The following CYP2R1 variants were observed in gnomAD, a reference collection of about 807,000 sequenced individuals.
CYP2R1 encodes the protein vitamin D 25-hydroxylase.
CYP2R1 carries 40 observed loss-of-function variants against 45.7 expected under a neutral mutation model. The observed-to-expected ratio is 0.87, with a 90% confidence interval of 0.68 to 1.14. The LOEUF (loss-of-function observed/expected upper bound fraction) is 1.14. Ranked by LOEUF, CYP2R1 falls within the 50% of genes most tolerant of loss-of-function variation. The pLI is 0.00. For missense variants in CYP2R1, 605 were observed against 602.6 expected, an observed-to-expected ratio of 1.00 and a Z score of -0.04; for synonymous variants, 234 against 219.3, an observed-to-expected ratio of 1.07 and a Z score of -0.59.
intron 2 of CYP2R1, among the ~76,000 whole-genome samples, chr11:14,881,744 C>T (rs1848394960): frequency 6.6e-6 from 1 of 152,108 alleles, no homozygotes; most frequent in South Asian, 2.1e-4. Context: ...TGCTGGCTTT[C>T]CTCAATGCCT....
In CYP2R1 at chr11:14,892,018, T is replaced by C. The variant is rs903347739; in HGVS notation, c.188A>G (p.His63Arg). 8 of 1,613,438 alleles carry C rather than the reference T, an allele frequency of 5.0e-6. No homozygotes were observed. The highest frequency in any genetic ancestry group is 6.8e-6 in the Non-Finnish European group (8 of 1,179,792). The change falls in exon 1 of 5, where the codon CAT (histidine) becomes CGT (arginine). Residue 63 changes from histidine (H) to arginine (R), a missense_variant. Physicochemically the swap from His to Arg is conservative, Grantham distance 29. Coordinates refer to ENST00000334636, the MANE Select transcript of CYP2R1 (RefSeq NM_024514.5). ...YSLAASSELP[H>R]VYMRKQSQVY... ...CTGGCTCTGCTTTCTCATGTAGACATGGGGAAGCTCGGATGAGGCTGCCAG... is the reference window on the plus strand; with the variant it reads ...CTGGCTCTGCTTTCTCATGTAGACACGGGGAAGCTCGGATGAGGCTGCCAG...
Position 14,879,146 on chromosome 11 carries a change from G to A in CYP2R1, c.1298C>T (p.Ala433Val). ...ERFLDSSGYFAKKEALVPFSL... is the reference protein window; with the variant it reads ...ERFLDSSGYFVKKEALVPFSL... ...AAAAGGAACCAAAGCTTCCTTCTTG[G>A]CAAAATATCCACTGCTGTCCAGAAA... The change falls in exon 4 of 5, where the codon GCC becomes GTC. Residue 433 changes from alanine to valine, a missense_variant. Physicochemically the swap from Ala to Val is moderately conservative, Grantham distance 64. Transcript: ENST00000334636. The A allele has an allele frequency of 1.9e-6, 3 of 1,613,076 alleles. No individual in the cohort carries two copies. The highest frequency in any genetic ancestry group is 2.5e-6 in the Non-Finnish European group (3 of 1,179,432).
At chr11:14,885,167 T>A (rs1848567139) in intron 2 of CYP2R1, among the ~76,000 whole-genome samples, 1 of 152,216 alleles carries the variant, frequency 6.6e-6, no homozygotes, top group Admixed American at 6.5e-5. Context: ...TCTTATACTA[T>A]TAACTATTAA....
intron 1 of CYP2R1, chr11:14,890,442 T>TA (rs1848791539): frequency 1.0e-6 from 1 of 981,602 alleles, no homozygotes; most frequent in Non-Finnish European, 1.2e-6. Context: ...CTTTATTATC[T>TA]CGTCCAGCTT....
At chr11:14,884,790 C>T (rs1481309759) in intron 2 of CYP2R1, among the ~76,000 whole-genome samples, 2 of 151,942 alleles carry the variant, frequency 1.3e-5, no homozygotes, top group Non-Finnish European at 2.9e-5. Context: ...ACAGTCTAAA[C>T]AATAAATTTA....
chr11:14,886,254 G>C (rs1555014649), intron 1 of CYP2R1: 2 of 229,306 alleles, frequency 8.7e-6, no homozygotes, highest in African/African-American at 4.5e-5. Flanking sequence ...CTGGGCTTCA[G>C]TATTGCCATA....
chr11:14,880,189 GT>G lies in CYP2R1; in HGVS notation c.946del (p.Thr316ProfsTer27). The G allele has an allele frequency of 6.2e-7, 1 of 1,612,960 alleles. No individual in the cohort carries two copies. Among genetic ancestry groups the G allele is most frequent in the Non-Finnish European group, 8.5e-7 (1 of 1,179,346 alleles). ...AAGAATCGCCCACCGTAGCACATTG[GT>G]TGTAGTTTCAGTTCCAGCAATGATG... ...ELIIAGTETT[T>X]NVLRWAILFM... On this transcript the variant is annotated frameshift_variant, in exon 3 of 5. Transcript: ENST00000334636. LOFTEE classifies it high-confidence loss of function.
intron 1 of CYP2R1, 150 bp downstream of exon 1, chr11:14,891,831 C>A: frequency 4.9e-6 from 7 of 1,422,026 alleles, no homozygotes; most frequent in East Asian, 2.6e-5. Flanking sequence ...CTTCCAGACC[C>A]GGGAAGCGGG....
chr11:14,878,153 T>C lies in CYP2R1; in HGVS notation c.1475A>G (p.Gln492Arg), dbSNP rs1848225465. ...KPRLGMTLQP[Q>R]PYLICAERR ...TCTTTCAGCACAGATGAGGTAGGGT[T>C]GGGGCTGCAATGTCATGCCTAACCT... Residue 492 changes from glutamine to arginine, a missense_variant, in exon 5 of 5, where the codon CAA becomes CGA. Transcript: ENST00000334636. The C allele has an allele frequency of 1.2e-6, 2 of 1,613,174 alleles. No individual in the cohort carries two copies. Among genetic ancestry groups the C allele is most frequent in the South Asian group, 2.2e-5 (2 of 91,040 alleles).
chr11:14,888,196 T>C (rs1848691793), intron 1 of CYP2R1, among the ~76,000 whole-genome samples: 1 of 152,212 alleles, frequency 6.6e-6, no homozygotes, highest in South Asian at 2.1e-4. Context: ...ACTCTTTGAA[T>C]ATATTATATA....
chr11:14,892,191 C>T lies in CYP2R1; in HGVS notation c.15G>A (p.Trp5Ter). MWKL[W>*]RAEEGAAALG... Reference sequence around the variant, plus strand: ...GCGCCGCCGCGCCCTCTTCAGCTCTCCAAAGCTTCCACATCGGCCCGAGCT... The same window carrying T: ...GCGCCGCCGCGCCCTCTTCAGCTCTTCAAAGCTTCCACATCGGCCCGAGCT... The change falls in exon 1 of 5, where the codon TGG (tryptophan) becomes TGA (stop). Residue 5 changes from tryptophan (W) to a stop codon, truncating the protein, a stop_gained. Transcript: ENST00000334636. LOFTEE classifies it high-confidence loss of function. 6.2e-7 allele frequency: 1 copy of T among 1,610,254 alleles called. No homozygotes were observed. The highest frequency in any genetic ancestry group is 8.5e-7 in the Non-Finnish European group (1 of 1,179,784).
chr11:14,891,828 A>G (rs1446292217), intron 1 of CYP2R1, 153 bp downstream of exon 1: 2 of 966,206 alleles, frequency 2.1e-6, no homozygotes, highest in South Asian at 4.8e-5. Flanking sequence ...TCCCTTCCAG[A>G]CCCGGGAAGC....
intron 3 of CYP2R1, among the ~76,000 whole-genome samples, chr11:14,879,907 T>C (rs1311243524): frequency 6.6e-6 from 1 of 152,130 alleles, no homozygotes; most frequent in Non-Finnish European, 1.5e-5. Context: ...CACACAGTGT[T>C]TTTTCTCATT....
intron 1 of CYP2R1, chr11:14,891,724 A>C: frequency 7.8e-7 from 1 of 1,281,038 alleles, no homozygotes; most frequent in Non-Finnish European, 9.9e-7. Context: ...GTAGCGGGAA[A>C]ATCAGGACTG....
In CYP2R1 at chr11:14,885,934, AAAAC is replaced by A; in HGVS notation, c.226-21_226-18del. On this transcript the variant is annotated intron_variant, in intron 1 of 4. Transcript: ENST00000334636. ...ACTGAAGATCTTTGAGAAGAGAAGA[AAAAC>A]AACATTTAAATGACAGCATGTATGG... The A allele has an allele frequency of 6.2e-7, 1 of 1,612,024 alleles. No individual in the cohort carries two copies. The highest frequency in any genetic ancestry group is 8.5e-7 in the Non-Finnish European group (1 of 1,178,400).
At chr11:14,889,201 T>G (rs1590231834) in intron 1 of CYP2R1, among the ~76,000 whole-genome samples, 1 of 151,684 alleles carries the variant, frequency 6.6e-6, no homozygotes, top group Non-Finnish European at 1.5e-5. Context: ...CATCTCAAAT[T>G]TAAAAGACAG....
rs1555017465 is a variant in CYP2R1 at position 14,892,196 on chromosome 11, G to T, written c.10C>A (p.Leu4Ile). 2 of 1,610,154 alleles carry T rather than the reference G, an allele frequency of 1.2e-6. No individual in the cohort carries two copies. Among genetic ancestry groups the T allele is most frequent in the South Asian group, 1.1e-5 (1 of 90,944 alleles). ...GCCGCGCCCTCTTCAGCTCTCCAAA[G>T]CTTCCACATCGGCCCGAGCTGGAGG... MWK[L>I]WRAEEGAAAL... Residue 4 changes from leucine (L) to isoleucine (I), a missense_variant, in exon 1 of 5, where the codon CTT becomes ATT. Transcript: ENST00000334636.
chr11:14,888,805 T>G (rs1037616217), intron 1 of CYP2R1, among the ~76,000 whole-genome samples: 2 of 152,204 alleles, frequency 1.3e-5, no homozygotes, highest in Non-Finnish European at 1.5e-5. Flanking sequence ...TAAAAATAAA[T>G]TAATACGCTG....
Position 14,878,118 on chromosome 11 carries a change from A to G in CYP2R1, c.*4T>C. ...TCTTGTTCCCGAAAACATCCCAGGC[A>G]GTTTCAGCGTCTTTCAGCACAGATG... On this transcript the variant is annotated 3_prime_UTR_variant, in exon 5 of 5. Coordinates refer to ENST00000334636, the MANE Select transcript of CYP2R1 (RefSeq NM_024514.5). The G allele has an allele frequency of 6.2e-7, 1 of 1,612,892 alleles. No individual in the cohort carries two copies. The highest frequency in any genetic ancestry group is 8.5e-7 in the Non-Finnish European group (1 of 1,179,274).
Sources: allele counts gnomAD v4.1 joint callset (sites outside exome capture counted in the v4.1 genomes callset), GRCh38; gene constraint gnomAD v4.1.1; transcripts MANE v1.5; gene names NCBI Gene and HGNC (gene_info 2026-07-23, HGNC 2026-07-21).